The following MZT2B variants were observed in gnomAD, a reference collection of about 807,000 sequenced individuals.
The protein encoded by MZT2B is mitotic spindle organizing protein 2B, also known as mitotic-spindle organizing protein 2B.
In MZT2B, 11 loss-of-function variants were observed where a neutral mutation model predicts 12.1. That is an observed-to-expected ratio of 0.91 (90% CI 0.57 to 1.50). The LOEUF (loss-of-function observed/expected upper bound fraction) is 1.50. Among genes scored for constraint, MZT2B ranks in the 40% most tolerant of loss-of-function variants. MZT2B has a pLI of 0.00. For missense variants in MZT2B, 209 were observed against 227.7 expected, an observed-to-expected ratio of 0.92 and a Z score of 0.53; for synonymous variants, 85 against 109.5, an observed-to-expected ratio of 0.78 and a Z score of 1.40.
chr2:130,192,725 G>A (rs149297687), downstream of MZT2B, among the ~76,000 whole-genome samples: 9 of 152,276 alleles, frequency 5.9e-5, no homozygotes, highest in African/African-American at 1.4e-4. Flanking sequence ...TTCAGAACTC[G>A]GTAATAACAT....
downstream of MZT2B, chr2:130,195,179 A>G: frequency 6.2e-7 from 1 of 1,614,020 alleles, no homozygotes; most frequent in African/African-American, 1.3e-5. Context: ...CCCGGTGATC[A>G]GCTGCTCTGG....
chr2:130,183,870 G>T (rs1424644465), intron 2 of MZT2B: 1 of 1,550,482 alleles, frequency 6.4e-7, no homozygotes. Flanking sequence ...GGCCTCTCCG[G>T]TTCTGCTCCA....
At chr2:130,193,292 G>GTGA (rs1325235812), downstream of MZT2B, among the ~76,000 whole-genome samples, 1 of 151,900 alleles carries the variant, frequency 6.6e-6, no homozygotes, top group Non-Finnish European at 1.5e-5. Context: ...GATATATAGT[G>GTGA]TGATGACTCA....
intron 2 of MZT2B, chr2:130,183,978 T>C: frequency 6.4e-7 from 1 of 1,550,510 alleles, no homozygotes; most frequent in Non-Finnish European, 8.7e-7. Context: ...TTGCGTTTAT[T>C]GGCTTATCTC....
At chr2:130,200,208 G>A in the MZT2B span, among the ~76,000 whole-genome samples, 766 of 152,166 alleles carry the variant, frequency 5.0e-3, 6 homozygotes, top group African/African-American at 0.017. Context: ...TGGCTAACAC[G>A]GTGAAACCCC....
rs772879277 is a variant in MZT2B, at chr2:130,190,583, AG to A, written c.440del (p.Gly147AlafsTer?). ...CAGCCCAGCGCTACCAGGCTGCCCA[AG>A]GGGGGCGGGCCTGGGAAGAGCCCTA... ...PRQPSATRLP[K>X]GGGPGKSPTR... On this transcript the variant is annotated frameshift_variant, in exon 3 of 3. Coordinates refer to ENST00000281871, the MANE Select transcript of MZT2B (RefSeq NM_025029.5). LOFTEE classifies it high-confidence loss of function. 6 of 1,613,184 alleles carry A rather than the reference AG, an allele frequency of 3.7e-6. No homozygotes were observed. The South Asian group carries it at 4.4e-5, about 12-fold the overall frequency.
At chr2:130,191,796 A>C, downstream of MZT2B, 1 of 1,586,332 alleles carries the variant, frequency 6.3e-7, no homozygotes, top group Non-Finnish European at 8.6e-7. Context: ...CAGCCATCCT[A>C]GGGGTGGCAG....
At chr2:130,198,376 T>C in the MZT2B span, 3 of 1,357,062 alleles carry the variant, frequency 2.2e-6, 1 homozygote, top group South Asian at 1.3e-5. Flanking sequence ...ACTCCGCTGC[T>C]TCAGCCCAAC....
the MZT2B span, among the ~76,000 whole-genome samples, chr2:130,199,063 A>G: frequency 8.2e-6 from 1 of 121,914 alleles, no homozygotes; most frequent in Admixed American, 9.1e-5. Flanking sequence ...AAACACAAAA[A>G]TTACCCTGGC....
chr2:130,181,765 C>T, upstream of MZT2B: 1 of 1,547,886 alleles, frequency 6.5e-7, no homozygotes, highest in South Asian at 1.2e-5. Flanking sequence ...TAGCTGAATG[C>T]GCCTGCGTTG....
the MZT2B span, chr2:130,196,329 T>C: frequency 2.5e-5 from 40 of 1,614,018 alleles, no homozygotes; most frequent in Admixed American, 3.3e-5. Flanking sequence ...GCATTGCCGA[T>C]CTGGACACCC....
chr2:130,181,931 C>G (rs1689690352), upstream of MZT2B: 1 of 1,430,748 alleles, frequency 7.0e-7, no homozygotes, highest in Admixed American at 2.2e-5. Flanking sequence ...TGCACGCTTT[C>G]TTGAAAGAGG....
chr2:130,187,516 G>A (rs1690109837), intron 2 of MZT2B, among the ~76,000 whole-genome samples: 1 of 152,176 alleles, frequency 6.6e-6, no homozygotes, highest in Non-Finnish European at 1.5e-5. Context: ...ACATTCAATG[G>A]TCATTGACTA....
chr2:130,198,337 C>T, the MZT2B span: 47 of 1,353,444 alleles, frequency 3.5e-5, 13 homozygotes, highest in South Asian at 5.3e-5. Flanking sequence ...ATCTGCGGGG[C>T]GGGAGTGACC....
chr2:130,183,131 G>C (rs921731742), intron 2 of MZT2B: 3 of 414,082 alleles, frequency 7.2e-6, no homozygotes, highest in Non-Finnish European at 1.3e-5. Flanking sequence ...GGGACCCCAG[G>C]GCGGGAGGAT....
chr2:130,182,151 C>T (rs28709423), upstream of MZT2B: 33 of 1,252,188 alleles, frequency 2.6e-5, no homozygotes, highest in African/African-American at 4.6e-4. Context: ...GAGGCGGCCC[C>T]GTCCCCGCGC....
the MZT2B span, among the ~76,000 whole-genome samples, chr2:130,197,013 C>T: frequency 6.6e-6 from 1 of 152,202 alleles, no homozygotes; most frequent in South Asian, 2.1e-4. Flanking sequence ...CCTTCCTGCT[C>T]AACTGCTGTG....
At chr2:130,194,417 C>T (rs1323211732), downstream of MZT2B, 1 of 1,604,502 alleles carries the variant, frequency 6.2e-7, no homozygotes, top group Non-Finnish European at 8.5e-7. Context: ...AGTGCCGCCC[C>T]CAAAGCTGTG....
chr2:130,183,946 G>A (rs1311432379), intron 2 of MZT2B: 5 of 1,550,504 alleles, frequency 3.2e-6, no homozygotes, highest in South Asian at 1.2e-5. Context: ...CTCTCTTGCT[G>A]CCTGTTCTCT....
Sources: allele counts gnomAD v4.1 joint callset (sites outside exome capture counted in the v4.1 genomes callset), GRCh38; gene constraint gnomAD v4.1.1; transcripts MANE v1.5; gene names NCBI Gene and HGNC (gene_info 2026-07-23, HGNC 2026-07-21).